SMIM45: variants seen among roughly 807,000 people sequenced by gnomAD.
The protein encoded by SMIM45 is long intergenic non-protein coding RNA 634.
the SMIM45 span, among the ~76,000 whole-genome samples, chr22:41,953,860 C>T: frequency 6.7e-6 from 1 of 148,588 alleles, no homozygotes; most frequent in Admixed American, 6.9e-5. Context: ...ACGCCATTCT[C>T]CTGCCTCAGC....
At chr22:41,957,975 G>A in the SMIM45 span, 1 of 106,002 alleles carries the variant, frequency 9.4e-6, no homozygotes, top group Non-Finnish European at 1.7e-5. Context: ...AGACCCCCAA[G>A]GCAGAGGGAG....
chr22:41,958,479 G>A, the SMIM45 span: 3 of 383,706 alleles, frequency 7.8e-6, no homozygotes. Flanking sequence ...GAGAGGGTTG[G>A]TGAGGAGAGA....
At chr22:41,952,124 T>G in the SMIM45 span, 1 of 152,708 alleles carries the variant, frequency 6.5e-6, no homozygotes, top group Non-Finnish European at 1.5e-5. Context: ...CCTGCCATCC[T>G]GAGAGTGGGG....
the SMIM45 span, chr22:41,947,209 C>A: frequency 1.3e-6 from 1 of 772,442 alleles, no homozygotes. Flanking sequence ...GGGACGGGGC[C>A]TCTTAAAGGA....
the SMIM45 span, among the ~76,000 whole-genome samples, chr22:41,948,875 C>G: frequency 2.6e-5 from 4 of 152,130 alleles, no homozygotes; most frequent in African/African-American, 4.8e-5. Context: ...CCAGCCTGAC[C>G]AGCATGGAGA....
At chr22:41,957,496 C>CAA in the SMIM45 span, among the ~76,000 whole-genome samples, 2 of 152,010 alleles carry the variant, frequency 1.3e-5, no homozygotes, top group East Asian at 3.9e-4. Flanking sequence ...CCACCGCGCC[C>CAA]GGCCTACCAC....
the SMIM45 span, among the ~76,000 whole-genome samples, chr22:41,953,496 AAGGCAAGTTAGTG>A: frequency 3.3e-5 from 5 of 152,164 alleles, no homozygotes; most frequent in Non-Finnish European, 7.3e-5. Context: ...TGGGTAAGCC[AAGGCAAGTTAGTG>A]AGCCTGTCTG....
the SMIM45 span, among the ~76,000 whole-genome samples, chr22:41,949,404 G>C: frequency 6.6e-6 from 1 of 152,194 alleles, no homozygotes; most frequent in Non-Finnish European, 1.5e-5. Context: ...AGAGGCCTCA[G>C]GCAGAAGGCA....
chr22:41,950,903 A>G, the SMIM45 span, among the ~76,000 whole-genome samples: 1 of 152,138 alleles, frequency 6.6e-6, no homozygotes, highest in East Asian at 1.9e-4. Flanking sequence ...GAGGCAGGGG[A>G]ATCGCTTGAA....
the SMIM45 span, among the ~76,000 whole-genome samples, chr22:41,955,428 C>T: frequency 6.6e-6 from 1 of 152,148 alleles, no homozygotes; most frequent in African/African-American, 2.4e-5. Flanking sequence ...ACCCATCCTC[C>T]TTGGCCTCCC....
chr22:41,958,507 A>AGAGT, the SMIM45 span: 1 of 392,560 alleles, frequency 2.5e-6, no homozygotes, highest in African/African-American at 2.2e-5. Context: ...AGAGAGAGAG[A>AGAGT]GTCTGGGGGG....
chr22:41,958,505 A>AGAGAGAGAGAGAGAGAGAGAGT, the SMIM45 span: 1 of 400,528 alleles, frequency 2.5e-6, no homozygotes, highest in African/African-American at 2.1e-5. Flanking sequence ...AGAGAGAGAG[A>AGAGAGAGAGAGAGAGAGAGAGT]GAGTCTGGGG....
chr22:41,952,966 C>A, the SMIM45 span, among the ~76,000 whole-genome samples: 1 of 152,146 alleles, frequency 6.6e-6, no homozygotes, highest in Non-Finnish European at 1.5e-5. Context: ...CTACCTTCAC[C>A]AACCCTGGCA....
chr22:41,950,117 T>A, the SMIM45 span, among the ~76,000 whole-genome samples: 942 of 147,674 alleles, frequency 6.4e-3, 25 homozygotes, highest in Admixed American at 0.05. Flanking sequence ...ACTTTATCTC[T>A]GTTATGTATT....
At chr22:41,952,203 C>T in the SMIM45 span, 2 of 152,452 alleles carry the variant, frequency 1.3e-5, no homozygotes, top group Non-Finnish European at 2.9e-5. Context: ...GGACTGCCCC[C>T]TCCTGGCCCA....
At chr22:41,956,493 C>G in the SMIM45 span, among the ~76,000 whole-genome samples, 1 of 152,210 alleles carries the variant, frequency 6.6e-6, no homozygotes, top group Non-Finnish European at 1.5e-5. Flanking sequence ...TTGGCTAGGG[C>G]GTGCAGGTGG....
At chr22:41,947,030 G>T in the SMIM45 span, 1 of 1,612,782 alleles carries the variant, frequency 6.2e-7, no homozygotes, top group African/African-American at 1.3e-5. Flanking sequence ...CAAGATGGTG[G>T]CCGTGTTCAG....
At chr22:41,947,559 G>T in the SMIM45 span, among the ~76,000 whole-genome samples, 1 of 151,768 alleles carries the variant, frequency 6.6e-6, no homozygotes, top group Non-Finnish European at 1.5e-5. Flanking sequence ...GTAGAGACGG[G>T]GTTTCTCCAA....
chr22:41,948,644 C>G, the SMIM45 span, among the ~76,000 whole-genome samples: 1 of 152,104 alleles, frequency 6.6e-6, no homozygotes, highest in Non-Finnish European at 1.5e-5. Context: ...GTAAGCTGAA[C>G]GCCGTGGCTC....
Sources: gnomAD v4.1 joint callset for allele counts (sites outside exome capture counted in the v4.1 genomes callset) on GRCh38, gnomAD v4.1.1 for gene constraint, MANE v1.5 for transcripts, NCBI Gene and HGNC (gene_info 2026-07-23, HGNC 2026-07-21) for gene names.